Variants in RDH13 observed in about 807,000 individuals in gnomAD.
The protein encoded by RDH13 is retinol dehydrogenase 13.
A neutral mutation model predicts 28.3 loss-of-function variants in RDH13; 35 were observed. That is an observed-to-expected ratio of 1.24 (90% CI 0.95 to 1.64). RDH13 has a LOEUF of 1.64. Among genes scored for constraint, RDH13 ranks in the 40% most tolerant of loss-of-function variants. RDH13 has a pLI of 0.00. For synonymous variants in RDH13, 229 were observed against 198.5 expected, an observed-to-expected ratio of 1.15 and a Z score of -1.29; for missense variants, 514 against 446.3, an observed-to-expected ratio of 1.15 and a Z score of -1.37.
intron 2 of RDH13, 70 bp from the exon 3 acceptor site, chr19:55,056,878 A>G (rs757279461): frequency 1.4e-5 from 19 of 1,339,524 alleles, no homozygotes; most frequent in Non-Finnish European, 2.0e-5. Flanking sequence ...AGAGACATGA[A>G]AACATACGTC....
intron 3 of RDH13, among the ~76,000 whole-genome samples, chr19:55,052,365 A>G (rs1037329636): frequency 6.7e-6 from 1 of 149,764 alleles, no homozygotes; most frequent in Non-Finnish European, 1.5e-5. Context: ...ACCAACAGGA[A>G]GAAACCCCGT....
intron 3 of RDH13, among the ~76,000 whole-genome samples, chr19:55,051,532 G>T (rs1273139977): frequency 5.5e-5 from 4 of 72,350 alleles, no homozygotes; most frequent in Admixed American, 2.9e-4. Flanking sequence ...CTGGGTTCAG[G>T]CGATTCTGCT....
intron 2 of RDH13, 90 bp downstream of exon 2, chr19:55,059,067 G>C: frequency 1.2e-6 from 1 of 808,406 alleles, no homozygotes; most frequent in Non-Finnish European, 2.1e-6. Flanking sequence ...TGGGTGCCTG[G>C]GTTCCTTCCA....
At chr19:55,058,447 T>C (rs1240134049) in intron 2 of RDH13, among the ~76,000 whole-genome samples, 3 of 151,296 alleles carry the variant, frequency 2.0e-5, no homozygotes, top group South Asian at 2.1e-4. Flanking sequence ...CAACCATCCA[T>C]CTCTCAAATT....
intron 3 of RDH13, among the ~76,000 whole-genome samples, chr19:55,052,949 T>A (rs4588108): frequency 0.22 from 22,247 of 99,144 alleles, 1,881 homozygotes; most frequent in East Asian, 0.36. Context: ...GGCGTGAGCC[T>A]GCACGCCTGC....
intron 1 of RDH13, among the ~76,000 whole-genome samples, chr19:55,062,724 G>T (rs1021989464): frequency 1.4e-5 from 2 of 144,448 alleles, no homozygotes; most frequent in Non-Finnish European, 2.9e-5. Flanking sequence ...ACAAAATAAA[G>T]AGTTTAAAAG....
intron 1 of RDH13, among the ~76,000 whole-genome samples, chr19:55,060,720 G>A (rs749598865): frequency 1.3e-5 from 2 of 152,200 alleles, no homozygotes; most frequent in Non-Finnish European, 2.9e-5. Flanking sequence ...TGTAATCTCA[G>A]CTACTCAGGG....
chr19:55,048,192 A>G lies in RDH13; in HGVS notation c.658+137T>C. The G allele has an allele frequency of 1.9e-6, 3 of 1,538,518 alleles. No homozygotes were observed. The South Asian group carries it at 3.6e-5, about 18-fold the overall frequency. ...TCTGCTTCAGGCACCAGAAGCGGGCAGCGTGGTCCACATGCTCTACTTTTG... is the reference window on the plus strand; with the variant it reads ...TCTGCTTCAGGCACCAGAAGCGGGCGGCGTGGTCCACATGCTCTACTTTTG... On this transcript the variant is annotated intron_variant, in intron 5 of 6. Coordinates refer to ENST00000415061, the MANE Select transcript of RDH13 (RefSeq NM_001145971.2).
At chr19:55,043,995 C>G (rs2075114026), downstream of RDH13, 1 of 151,528 alleles carries the variant, frequency 6.6e-6, no homozygotes, top group African/African-American at 2.4e-5. Context: ...CGGCTCACTG[C>G]AATCTCCGCC....
At chr19:55,053,742 G>A (rs1314473649) in intron 3 of RDH13, 1 of 152,092 alleles carries the variant, frequency 6.6e-6, no homozygotes, top group Non-Finnish European at 1.5e-5. Flanking sequence ...GGCTAAGAGA[G>A]GAGGCATCAC....
At chr19:55,066,524 T>C (rs2075964336), upstream of RDH13, among the ~76,000 whole-genome samples, 1 of 125,704 alleles carries the variant, frequency 8.0e-6, no homozygotes, top group African/African-American at 3.2e-5. Context: ...ACATCTCTCT[T>C]TCCCTTCCTT....
intron 1 of RDH13, chr19:55,068,801 A>G (rs1011578751): frequency 7.0e-6 from 1 of 143,796 alleles, no homozygotes; most frequent in Non-Finnish European, 1.5e-5. Context: ...GCGCCACTGC[A>G]CTCCAGCCTG....
chr19:55,063,169 C>T, upstream of RDH13: 2 of 780,304 alleles, frequency 2.6e-6, no homozygotes, highest in Non-Finnish European at 3.6e-6. Context: ...GGGCCCGCGT[C>T]CGGAACTGGG....
At chr19:55,061,685 G>C (rs977012927) in intron 1 of RDH13, among the ~76,000 whole-genome samples, 1 of 151,844 alleles carries the variant, frequency 6.6e-6, no homozygotes, top group African/African-American at 2.4e-5. Context: ...TCAGCTACTC[G>C]GGAGGCTGAA....
chr19:55,045,337 C>G, intron 6 of RDH13, 28 bp from the exon 7 acceptor site: 1 of 1,566,004 alleles, frequency 6.4e-7, no homozygotes, highest in Non-Finnish European at 8.7e-7. Flanking sequence ...GGCATTTAGT[C>G]CACACTCGCT....
intron 3 of RDH13, 147 bp downstream of exon 3, chr19:55,056,506 A>G: frequency 1.1e-6 from 1 of 912,924 alleles, no homozygotes. Context: ...CAGGCTGTAC[A>G]AAAAAAGGCA....
chr19:55,059,358 T>C (rs758447165), intron 1 of RDH13, 83 bp from the exon 2 acceptor site: 6 of 853,388 alleles, frequency 7.0e-6, no homozygotes, highest in Non-Finnish European at 1.1e-5. Context: ...CAGGCAACCT[T>C]GTCTGAGCTC....
At chr19:55,051,992 A>G (rs1013338637) in intron 3 of RDH13, among the ~76,000 whole-genome samples, 6 of 151,160 alleles carry the variant, frequency 4.0e-5, no homozygotes, top group Non-Finnish European at 7.4e-5. Flanking sequence ...TCGGCCTCCC[A>G]AAGTGCTGGG....
intron 6 of RDH13, chr19:55,047,139 C>T (rs1023615737): frequency 7.9e-5 from 111 of 1,398,576 alleles, no homozygotes; most frequent in South Asian, 1.1e-4. Flanking sequence ...GTCAGCTCCA[C>T]GGCCTCTTCC....
Sources: allele counts gnomAD v4.1 joint callset (sites outside exome capture counted in the v4.1 genomes callset), GRCh38; gene constraint gnomAD v4.1.1; transcripts MANE v1.5; gene names NCBI Gene and HGNC (gene_info 2026-07-23, HGNC 2026-07-21).